The following RYR2 variants were observed in gnomAD, a reference collection of about 807,000 sequenced individuals.
The protein encoded by RYR2 is cardiac muscle ryanodine receptor-calcium release channel.
A neutral mutation model predicts 601.1 loss-of-function variants in RYR2; 227 were observed. The observed-to-expected ratio is 0.38, with a 90% confidence interval of 0.34 to 0.42. The LOEUF (loss-of-function observed/expected upper bound fraction) is 0.42, where lower values mean the gene tolerates loss of function less well. Ranked by LOEUF, RYR2 falls within the 10% of genes least tolerant of loss-of-function variation. The probability of loss-of-function intolerance (pLI) is 1.00; values close to 1 mark genes in which losing one functional copy is unlikely to be tolerated. For missense variants in RYR2, 4,646 were observed against 6,156.5 expected (o/e 0.75, Z 8.21); for synonymous variants, 2,223 against 2,175.1 (o/e 1.02, Z -0.61).
At chr1:237,152,536 A>T (rs990016210) in intron 1 of RYR2, among the ~76,000 whole-genome samples, 1 of 152,156 alleles carries the variant, frequency 6.6e-6, no homozygotes, top group African/African-American at 2.4e-5. Context: ...ACTTTTTAAT[A>T]ATCGCCATTC....
chr1:237,703,864 A>G lies in RYR2; in HGVS notation c.9450-1349A>G, dbSNP rs563180481. ...TTAACTTTATAATCCTATTGTTTGT[A>G]TCCTAAATATTTGTTAAATGCCAGA... On this transcript the variant is annotated intron_variant, in intron 66 of 104. Coordinates refer to ENST00000366574, the MANE Select transcript of RYR2 (RefSeq NM_001035.3). Among the ~76,000 whole-genome samples, 3 of 152,018 alleles carry G rather than the reference A, an allele frequency of 2.0e-5. No individual in the cohort carries two copies. The South Asian group carries it at 6.2e-4, about 31-fold the overall frequency.
chr1:237,151,917 T>A (rs1432438133), intron 1 of RYR2, among the ~76,000 whole-genome samples: 1 of 152,174 alleles, frequency 6.6e-6, no homozygotes, highest in Non-Finnish European at 1.5e-5. Context: ...GATAAACATG[T>A]GCCATGGGTG....
chr1:237,508,741 T>C (rs1263742504), intron 23 of RYR2, among the ~76,000 whole-genome samples: 36 of 131,294 alleles, frequency 2.7e-4, no homozygotes, highest in African/African-American at 8.1e-4. Flanking sequence ...TTTCTTTTTT[T>C]TTTTTTTTTT....
At chr1:237,242,370 G>T (rs1178713034) in intron 1 of RYR2, among the ~76,000 whole-genome samples, 1 of 151,578 alleles carries the variant, frequency 6.6e-6, no homozygotes, top group Non-Finnish European at 1.5e-5. Flanking sequence ...GTATTTAGGG[G>T]GATATACCTA....
At chr1:237,779,255 C>CTAT (rs1483915515) in intron 88 of RYR2, among the ~76,000 whole-genome samples, 1 of 152,144 alleles carries the variant, frequency 6.6e-6, no homozygotes, top group Admixed American at 6.6e-5. Flanking sequence ...GAAAAAGTAG[C>CTAT]TATTATATGG....
intron 1 of RYR2, among the ~76,000 whole-genome samples, chr1:237,172,641 A>G (rs2148912082): frequency 6.6e-6 from 1 of 152,128 alleles, no homozygotes; most frequent in Middle Eastern, 3.4e-3. Context: ...TAAATACTAA[A>G]TTTTCTTTTG....
intron 1 of RYR2, among the ~76,000 whole-genome samples, chr1:237,061,501 G>A (rs1662889879): frequency 6.6e-6 from 1 of 152,112 alleles, no homozygotes; most frequent in African/African-American, 2.4e-5. Context: ...TTGTAGAGAT[G>A]AGGTCTTACC....
chr1:237,474,652 T>C (rs1398515835), intron 17 of RYR2, among the ~76,000 whole-genome samples: 1 of 152,110 alleles, frequency 6.6e-6, no homozygotes, highest in African/African-American at 2.4e-5. Flanking sequence ...TGGCCTGTAA[T>C]ATCAGCTAAA....
chr1:237,786,519 A>G (rs1657597810), intron 91 of RYR2, among the ~76,000 whole-genome samples: 2 of 152,206 alleles, frequency 1.3e-5, no homozygotes, highest in South Asian at 4.1e-4. Flanking sequence ...TAAAACAAAC[A>G]TTCCTGGGCC....
chr1:237,168,708 G>A (rs1676992720), intron 1 of RYR2, among the ~76,000 whole-genome samples: 1 of 19,902 alleles, frequency 5.0e-5, no homozygotes, highest in African/African-American at 6.4e-5. Context: ...CTTGCTAAAT[G>A]TGTGTGCCGG....
At chr1:237,531,608 C>G (rs546527919) in intron 25 of RYR2, among the ~76,000 whole-genome samples, 1 of 152,116 alleles carries the variant, frequency 6.6e-6, no homozygotes, top group Non-Finnish European at 1.5e-5. Context: ...AGAAATTGTG[C>G]TTTTGCTGTG....
At chr1:237,346,384 A>AAAAAAAAAAAAAAAAAAAAAAAAT (rs1558659601) in intron 3 of RYR2, among the ~76,000 whole-genome samples, 28 of 151,334 alleles carry the variant, frequency 1.9e-4, no homozygotes, top group Non-Finnish European at 3.1e-4. Flanking sequence ...AAAAAAAAAA[A>AAAAAAAAAAAAAAAAAAAAAAAAT]GTGCATATCC....
intron 2 of RYR2, among the ~76,000 whole-genome samples, chr1:237,302,264 C>A (rs994295001): frequency 6.6e-6 from 1 of 152,124 alleles, no homozygotes; most frequent in Admixed American, 6.6e-5. Flanking sequence ...AAATGGGAAA[C>A]TTTTACATAT....
At chr1:237,208,916 G>A (rs1428341851) in intron 1 of RYR2, among the ~76,000 whole-genome samples, 1 of 118,220 alleles carries the variant, frequency 8.5e-6, no homozygotes, top group Non-Finnish European at 1.7e-5. Flanking sequence ...TCTCTCATCT[G>A]TACAACCAAA....
chr1:237,690,914 T>G (rs1686885505), intron 63 of RYR2, among the ~76,000 whole-genome samples: 1 of 152,242 alleles, frequency 6.6e-6, no homozygotes, highest in African/African-American at 2.4e-5. Context: ...ATTTACTTTT[T>G]GATTTATCAG....
chr1:237,458,475 T>G (rs1659099679), intron 16 of RYR2, among the ~76,000 whole-genome samples: 1 of 152,148 alleles, frequency 6.6e-6, no homozygotes, highest in Admixed American at 6.6e-5. Flanking sequence ...CTCCCAACTC[T>G]TAAGTATAAT....
At chr1:237,370,052 A>T (rs1700515759) in intron 6 of RYR2, among the ~76,000 whole-genome samples, 1 of 152,048 alleles carries the variant, frequency 6.6e-6, no homozygotes, top group Non-Finnish European at 1.5e-5. Context: ...CTTTTACCAC[A>T]TCTGCTCCTC....
chr1:237,594,886 G>GTTTTTTTTTTTTTTTTTT (rs776702428), intron 33 of RYR2, among the ~76,000 whole-genome samples: 1 of 60,420 alleles, frequency 1.7e-5, no homozygotes, highest in Non-Finnish European at 2.6e-5. Context: ...ATATCACTGG[G>GTTTTTTTTTTTTTTTTTT]TTTTTTTTTT....
chr1:237,643,257 A>C, intron 47 of RYR2, 70 bp from the exon 48 acceptor site: 1 of 1,570,628 alleles, frequency 6.4e-7, no homozygotes, highest in Non-Finnish European at 8.7e-7. Context: ...CCAATACTTC[A>C]GATTTCCTAG....
Sources: allele counts gnomAD v4.1 joint callset (sites outside exome capture counted in the v4.1 genomes callset), GRCh38; gene constraint gnomAD v4.1.1; transcripts MANE v1.5; gene names NCBI Gene and HGNC (gene_info 2026-07-23, HGNC 2026-07-21).